The following FAM149A variants were observed in gnomAD, a reference collection of about 807,000 sequenced individuals.
The protein encoded by FAM149A is protein FAM149A.
Under a neutral mutation model 78.2 loss-of-function variants are expected in FAM149A, and 71 were observed. That is an observed-to-expected ratio of 0.91 (90% confidence interval 0.75 to 1.11). FAM149A has a LOEUF of 1.11. Among genes scored for constraint, FAM149A ranks in the 50% least tolerant of loss-of-function variants. The pLI is 0.00. For synonymous variants in FAM149A, 446 were observed against 410.5 expected (o/e 1.09, Z -1.04); for missense variants, 1,036 against 971.0 (o/e 1.07, Z -0.89).
chr4:186,160,531 C>T (rs1399048491), intron 8 of FAM149A, among the ~76,000 whole-genome samples: 1 of 149,832 alleles, frequency 6.7e-6, no homozygotes, highest in Non-Finnish European at 1.5e-5. Context: ...ACACACACTA[C>T]ACACCACACG....
chr4:186,111,183 TA>T (rs1227676975), intron 1 of FAM149A, among the ~76,000 whole-genome samples: 5 of 150,258 alleles, frequency 3.3e-5, no homozygotes, highest in Non-Finnish European at 5.9e-5. Context: ...TTTGGCTGCA[TA>T]AATGTCTTCT....
intron 1 of FAM149A, chr4:186,123,732 C>A: frequency 1.7e-6 from 1 of 587,572 alleles, no homozygotes; most frequent in Non-Finnish European, 2.1e-6. Flanking sequence ...GTCTAGGATT[C>A]TTATGTTTCC....
intron 11 of FAM149A, 50 bp downstream of exon 11, chr4:186,165,514 G>T: frequency 6.3e-7 from 1 of 1,596,880 alleles, no homozygotes; most frequent in East Asian, 2.2e-5. Flanking sequence ...TTCTGTATTG[G>T]AAAACAAACA....
intron 1 of FAM149A, among the ~76,000 whole-genome samples, chr4:186,129,107 G>C (rs1313814057): frequency 4.0e-5 from 6 of 151,016 alleles, no homozygotes; most frequent in Admixed American, 1.3e-4. Context: ...GTGTCTCTCT[G>C]TGTCTGTGTA....
At chr4:186,170,228 G>A (rs568081740) in intron 13 of FAM149A, among the ~76,000 whole-genome samples, 20 of 152,358 alleles carry the variant, frequency 1.3e-4, no homozygotes, top group Middle Eastern at 3.4e-3. Context: ...CCTGGTGGTC[G>A]TGAGAGACAC....
chr4:186,124,898 T>C (rs2099317654), intron 1 of FAM149A, among the ~76,000 whole-genome samples: 1 of 152,150 alleles, frequency 6.6e-6, no homozygotes, highest in Non-Finnish European at 1.5e-5. Context: ...AAAGTGTTCC[T>C]ATTTCTCCAC....
chr4:186,161,942 G>A (rs907682625), intron 8 of FAM149A, among the ~76,000 whole-genome samples: 7 of 152,188 alleles, frequency 4.6e-5, no homozygotes, highest in Admixed American at 3.3e-4. Flanking sequence ...GGATACATGT[G>A]CAGAATGTGC....
At chr4:186,149,031 T>TGC (rs762672222) in intron 1 of FAM149A, 142 bp from the exon 2 acceptor site, 223 of 339,802 alleles carry the variant, frequency 6.6e-4, no homozygotes, top group African/African-American at 3.4e-3. Context: ...TGTGTGTGTG[T>TGC]GCGCTCATGC....
intron 3 of FAM149A, 123 bp downstream of exon 3, chr4:186,149,827 A>G: frequency 3.6e-5 from 19 of 531,526 alleles, no homozygotes; most frequent in Non-Finnish European, 4.8e-5. Flanking sequence ...ATACATGTAC[A>G]TACATGTAAA....
At chr4:186,105,707 G>A (rs540665416) in intron 1 of FAM149A, 65 bp downstream of exon 1, 239 of 988,268 alleles carry the variant, frequency 2.4e-4, no homozygotes, top group Non-Finnish European at 2.8e-4. Flanking sequence ...TCCGCCTGCC[G>A]CACTCACCTT....
At chr4:186,130,743 TCCTCTCATA>T in intron 1 of FAM149A, among the ~76,000 whole-genome samples, 1 of 152,022 alleles carries the variant, frequency 6.6e-6, no homozygotes, top group South Asian at 2.1e-4. Flanking sequence ...ATACAGTAAT[TCCTCTCATA>T]GATATGAGAT....
chr4:186,144,963 G>T lies in FAM149A; in HGVS notation c.567-4210G>T. On this transcript the variant is annotated intron_variant, in intron 1 of 13. Transcript: ENST00000389354. The surrounding 1 kb of genome is among the most constrained non-coding windows in gnomAD (Gnocchi z 4.2). ...CGGGCGCGGGCGCGGGCGCGGGCGGGTGGGGAGCCCCAGCCCCGGGGCCGC... is the reference window on the plus strand; with the variant it reads ...CGGGCGCGGGCGCGGGCGCGGGCGGTTGGGGAGCCCCAGCCCCGGGGCCGC... 1 of 977,160 alleles carries T rather than the reference G, an allele frequency of 1.0e-6. No individual in the cohort carries two copies. The allele number at this position is 977,160 out of a possible 1,614,324, so 60.5% of individuals were successfully genotyped here. A position where few individuals can be genotyped will look rare whatever the true frequency, so the allele number is the denominator to read the frequency against.
rs1732862645 is a variant in FAM149A at position 186,144,794 on chromosome 4, GGCGCA to G, written c.567-4372_567-4368del. 6 of 981,322 alleles carry G rather than the reference GGCGCA, an allele frequency of 6.1e-6. No individual in the cohort carries two copies. The Admixed American group carries it at 3.7e-4, about 61-fold the overall frequency. 60.8% of individuals were successfully genotyped at this position (981,322 alleles called of 1,614,324 possible). On this transcript the variant is annotated intron_variant, in intron 1 of 13. Coordinates refer to ENST00000389354, the MANE Select transcript of FAM149A (RefSeq NM_001367768.3). This position sits in a 1 kb window ranked among gnomAD's most constrained non-coding sequence, Gnocchi z 4.2. Reference sequence around the variant, plus strand: ...CAGCCGGGATTAGCTGGCGGGCGAGGGCGCAGCGCAGGGAGGAGGAGGGGAGGCGG... The same window carrying G: ...CAGCCGGGATTAGCTGGCGGGCGAGGGCGCAGGGAGGAGGAGGGGAGGCGG...
intron 1 of FAM149A, chr4:186,118,382 A>T (rs1371139907): frequency 3.8e-6 from 1 of 263,798 alleles, no homozygotes; most frequent in Non-Finnish European, 5.9e-6. Context: ...AGAAAGGGAG[A>T]ATAAGCATTT....
chr4:186,145,260 G>A (rs968890798), intron 1 of FAM149A: 3 of 609,668 alleles, frequency 4.9e-6, no homozygotes, highest in African/African-American at 4.0e-5. Context: ...CATGGCTCAC[G>A]CGGGGAAGCG....
At chr4:186,127,028 A>G (rs1279683642) in intron 1 of FAM149A, 35 of 985,244 alleles carry the variant, frequency 3.6e-5, no homozygotes, top group Non-Finnish European at 4.1e-5. Flanking sequence ...GCGTATGCCA[A>G]TTACAAGTGT....
Position 186,104,880 on chromosome 4 carries a change from G to A in FAM149A, c.-197G>A, listed in dbSNP as rs949725644. On this transcript the variant is annotated 5_prime_UTR_variant, in exon 1 of 14. Transcript: ENST00000389354. ...GCTCTCCGCAGCCGGGGCGCTCGGC[G>A]GACGGACCCGGGCCGGGGAAGGGCG... 7 of 852,374 alleles carry A rather than the reference G, an allele frequency of 8.2e-6. No homozygotes were observed. Among genetic ancestry groups the A allele is most frequent in the Non-Finnish European group, 9.9e-6 (7 of 708,584 alleles). The allele number at this position is 852,374 out of a possible 1,614,324, so 52.8% of individuals were successfully genotyped here.
In FAM149A at chr4:186,104,976, G is replaced by A. The variant is rs1213161751; in HGVS notation, c.-101G>A. On this transcript the variant is annotated 5_prime_UTR_variant, in exon 1 of 14. Transcript: ENST00000389354. ...CAGGGGCCTCCGGGGCTCCGGGTGC[G>A]GGGACCTCAGGCTCCTCGCCCCGGC... 1.8e-5 allele frequency: 22 copies of A among 1,191,636 alleles called. No individual in the cohort carries two copies. Among genetic ancestry groups the A allele is most frequent in the Non-Finnish European group, 2.1e-5 (20 of 947,086 alleles). The allele number at this position is 1,191,636 out of a possible 1,614,324, so 73.8% of individuals were successfully genotyped here.
chr4:186,173,719 G>GCAGCAGCA lies in FAM149A; in HGVS notation c.*1732_*1733insCAGCAGCA, dbSNP rs1561423537. On this transcript the variant is annotated 3_prime_UTR_variant, in exon 14 of 14. Coordinates refer to ENST00000389354, the MANE Select transcript of FAM149A (RefSeq NM_001367768.3). ...CAGCAGCAGCAGCAGCAGCAGCAGCGACCACCAGGTCCATGCCTCTTTTCC... is the reference window on the plus strand; with the variant it reads ...CAGCAGCAGCAGCAGCAGCAGCAGCGCAGCAGCAACCACCAGGTCCATGCCTCTTTTCC... Among the ~76,000 whole-genome samples, 296 of 112,066 alleles carry GCAGCAGCA rather than the reference G, an allele frequency of 2.6e-3. 58 individuals carry two copies. Among genetic ancestry groups the GCAGCAGCA allele is most frequent in the African/African-American group, 8.1e-3 (288 of 35,748 alleles). 73.5% of individuals were successfully genotyped at this position (112,066 alleles called of 152,430 possible). A position where few individuals can be genotyped will look rare whatever the true frequency, so the allele number is the denominator to read the frequency against.
Sources: gnomAD v4.1 joint callset for allele counts (sites outside exome capture counted in the v4.1 genomes callset) on GRCh38, gnomAD v4.1.1 for gene constraint, Gnocchi (gnomAD v3.1) non-coding constraint, MANE v1.5 for transcripts, NCBI Gene and HGNC (gene_info 2026-07-23, HGNC 2026-07-21) for gene names.